PVT1: variants seen among roughly 807,000 people sequenced by gnomAD.
PVT1 encodes CXCR4/PVT1 fusion.
intron 3 of PVT1, among the ~76,000 whole-genome samples, chr8:127,901,249 G>T (rs1407402364): frequency 6.6e-6 from 1 of 152,190 alleles, no homozygotes; most frequent in East Asian, 1.9e-4. Context: ...GCTGCAGAGG[G>T]CTGCTGGAGG....
intron 3 of PVT1, among the ~76,000 whole-genome samples, chr8:127,891,254 G>A (rs1815598907): frequency 6.6e-6 from 1 of 152,214 alleles, no homozygotes; most frequent in South Asian, 2.1e-4. Flanking sequence ...AAGTGCCTCT[G>A]CTGTTGGTTC....
At position 127,907,265 on chromosome 8, in the gene PVT1, G is replaced by A. The variant is rs905550496; in HGVS notation, n.782+16267G>A. Among the ~76,000 whole-genome samples the A allele has an allele frequency of 7.9e-5, 12 of 150,958 alleles. No individual in the cohort carries two copies. The South Asian group carries it at 8.5e-4, about 11-fold the overall frequency. Reference sequence around the variant, plus strand: ...ATTACAGGTGTGAGCCACCATGCCCGGCCTTCCCTGGCACTCTTGAGCATG... The same window carrying A: ...ATTACAGGTGTGAGCCACCATGCCCAGCCTTCCCTGGCACTCTTGAGCATG... On this transcript the variant is annotated intron_variant and non_coding_transcript_variant, in intron 3 of 10. Coordinates refer to ENST00000651587, the Ensembl canonical transcript of PVT1.
intron 2 of PVT1, chr8:127,855,045 C>T (rs905400444): frequency 7.6e-6 from 3 of 396,752 alleles, no homozygotes; most frequent in Non-Finnish European, 1.3e-5. Flanking sequence ...GATTTGACCC[C>T]AGACCTGTCT....
rs1453805892 is a variant in PVT1, at chr8:127,955,945, A to G, written n.783-33217A>G. Among the ~76,000 whole-genome samples the G allele has an allele frequency of 3.3e-5, 5 of 152,230 alleles. No homozygotes were observed. The South Asian group carries it at 8.3e-4, about 25-fold the overall frequency. ...CTCCAAGAGGCTTAGTAATTTGCCC[A>G]AGATGCCCAATTAGTTTCTGCAAGG... On this transcript the variant is annotated intron_variant and non_coding_transcript_variant, in intron 3 of 10. Coordinates refer to ENST00000651587, the Ensembl canonical transcript of PVT1.
At chr8:128,032,360 C>T (rs896206956) in intron 4 of PVT1, among the ~76,000 whole-genome samples, 17 of 152,168 alleles carry the variant, frequency 1.1e-4, no homozygotes, top group African/African-American at 3.6e-4. Flanking sequence ...TCATGAACTT[C>T]GTTGTTCCCT....
intron 3 of PVT1, chr8:127,960,505 G>T (rs1413586609): frequency 3.2e-6 from 1 of 313,634 alleles, no homozygotes. Flanking sequence ...CCTTGAGGTG[G>T]GTTCTGCAGA....
At chr8:127,982,395 A>G (rs7013628) in intron 3 of PVT1, among the ~76,000 whole-genome samples, 25,219 of 152,244 alleles carry the variant, frequency 0.17, 2,300 homozygotes, top group Non-Finnish European at 0.19. Flanking sequence ...GATGTGTAGC[A>G]TAGTGAGCAA....
chr8:127,973,865 AG>A (rs1445056485), intron 3 of PVT1, among the ~76,000 whole-genome samples: 1 of 151,908 alleles, frequency 6.6e-6, no homozygotes, highest in Admixed American at 6.6e-5. Flanking sequence ...CTGTAGTCCC[AG>A]CTACTCGGGA....
At chr8:127,921,272 C>A (rs1425753958) in intron 3 of PVT1, among the ~76,000 whole-genome samples, 1 of 151,618 alleles carries the variant, frequency 6.6e-6, no homozygotes, top group Non-Finnish European at 1.5e-5. Flanking sequence ...GGGTTGTTAA[C>A]CGTGGAGAAG....
chr8:127,930,359 A>G (rs1410285258), intron 3 of PVT1, among the ~76,000 whole-genome samples: 1 of 152,152 alleles, frequency 6.6e-6, no homozygotes, highest in Non-Finnish European at 1.5e-5. Flanking sequence ...AAGTTTTGCC[A>G]TGTTGGCCAG....
chr8:128,095,504 C>T (rs1235117409), intron 5 of PVT1, among the ~76,000 whole-genome samples: 1 of 152,212 alleles, frequency 6.6e-6, no homozygotes. Flanking sequence ...ATTGTCTGTA[C>T]TCAACCAGGA....
chr8:127,997,155 A>G (rs62512839), intron 4 of PVT1, among the ~76,000 whole-genome samples: 46,663 of 150,302 alleles, frequency 0.31, 8,324 homozygotes, highest in Admixed American at 0.51. Flanking sequence ...CCCGGGGTCA[A>G]GCGATTCTCC....
chr8:128,091,216 GCGT>G (rs1242911116), intron 5 of PVT1, among the ~76,000 whole-genome samples: 208 of 152,278 alleles, frequency 1.4e-3, no homozygotes, highest in Non-Finnish European at 1.3e-3. Flanking sequence ...GGCCTGGCAG[GCGT>G]TCATGAGTTT....
At chr8:127,829,138 G>A (rs1388016001) in intron 2 of PVT1, among the ~76,000 whole-genome samples, 2 of 152,094 alleles carry the variant, frequency 1.3e-5, no homozygotes, top group African/African-American at 2.4e-5. Flanking sequence ...TTAGCTGGAC[G>A]TGGTGGCAGG....
chr8:127,948,083 G>A (rs1816447466), intron 3 of PVT1: 1 of 378,280 alleles, frequency 2.6e-6, no homozygotes, highest in African/African-American at 2.1e-5. Flanking sequence ...GCTTTCTTCT[G>A]CCAGCCCCGG....
Position 127,985,073 on chromosome 8 carries a change from G to C in PVT1, n.783-4089G>C, listed in dbSNP as rs1228029353. ...TTTTTTGACAGATTCTCACTCTGTCGCCGAGGCTGGAGTGTAGTGGCGTGA... is the reference window on the plus strand; with the variant it reads ...TTTTTTGACAGATTCTCACTCTGTCCCCGAGGCTGGAGTGTAGTGGCGTGA... On this transcript the variant is annotated intron_variant and non_coding_transcript_variant, in intron 3 of 10. Coordinates refer to ENST00000651587, the Ensembl canonical transcript of PVT1. Among the ~76,000 whole-genome samples, 3 of 131,650 alleles carry C rather than the reference G, an allele frequency of 2.3e-5. No individual in the cohort carries two copies. The Admixed American group carries it at 2.6e-4, about 11-fold the overall frequency. 86.4% of individuals were successfully genotyped at this position (131,650 alleles called of 152,430 possible).
intron 3 of PVT1, among the ~76,000 whole-genome samples, chr8:127,893,421 C>A (rs1250957802): frequency 6.6e-6 from 1 of 152,120 alleles, no homozygotes; most frequent in Non-Finnish European, 1.5e-5. Context: ...GGACTACAGG[C>A]GTGCGCCACC....
At chr8:127,812,953 A>G (rs991776550) in intron 2 of PVT1, among the ~76,000 whole-genome samples, 1 of 152,104 alleles carries the variant, frequency 6.6e-6, no homozygotes, top group Admixed American at 6.6e-5. Flanking sequence ...TGCATTTAGG[A>G]GGCACAGAGT....
intron 2 of PVT1, among the ~76,000 whole-genome samples, chr8:127,848,312 G>A (rs1166381810): frequency 1.3e-5 from 2 of 152,206 alleles, no homozygotes; most frequent in Non-Finnish European, 2.9e-5. Context: ...AGCTACTGGG[G>A]AGGCTGAGGC....
Sources: allele counts gnomAD v4.1 joint callset (sites outside exome capture counted in the v4.1 genomes callset), GRCh38; gene constraint gnomAD v4.1.1; transcripts MANE v1.5; gene names NCBI Gene and HGNC (gene_info 2026-07-23, HGNC 2026-07-21).